COPS5: variants seen among roughly 807,000 people sequenced by gnomAD.
COPS5 encodes COP9 signalosome complex subunit 5.
COPS5 carries 8 observed loss-of-function variants against 44.4 expected under a neutral mutation model. The ratio of observed to expected loss-of-function variants is 0.18; its 90% confidence interval spans 0.11 to 0.32. The LOEUF is 0.32. COPS5 is among the 10% of genes least tolerant of loss of function. The pLI is 1.00. For synonymous variants in COPS5, 122 were observed against 142.8 expected (o/e 0.85, Z 1.04); for missense variants, 159 against 406.4 (o/e 0.39, Z 5.23).
chr8:67,062,072 C>T lies in COPS5; in HGVS notation c.-76G>A. ...CCTCGCTAGGTTTCCGGGTGTGGGC[C>T]TTGACCCTCCGCACCACGGGAACAA... On this transcript the variant is annotated 5_prime_UTR_variant, in exon 1 of 8. Transcript: ENST00000357849. The T allele has an allele frequency of 1.9e-6, 3 of 1,605,412 alleles. No homozygotes were observed. The highest frequency in any genetic ancestry group is 2.5e-6 in the Non-Finnish European group (3 of 1,177,122).
At chr8:67,052,820 T>TC (rs895993741) in intron 5 of COPS5, among the ~76,000 whole-genome samples, 40 of 114,092 alleles carry the variant, frequency 3.5e-4, no homozygotes, top group Admixed American at 7.3e-4. Context: ...GACTCTGTCT[T>TC]AAAAAAAAAA....
intron 5 of COPS5, 31 bp from the exon 6 acceptor site, chr8:67,051,372 T>TA (rs763120396): frequency 0.017 from 17,561 of 1,057,448 alleles, no homozygotes; most frequent in South Asian, 0.022. Context: ...ATTTAGTAAG[T>TA]AAAAAAAAAA....
rs746649603 is a variant in COPS5, at chr8:67,061,952, C to T, written c.45G>A (p.Leu15=). The T allele has an allele frequency of 1.9e-6, 3 of 1,614,128 alleles. No homozygotes were observed. Among genetic ancestry groups the T allele is most frequent in the Non-Finnish European group, 2.5e-6 (3 of 1,180,056 alleles). ...TCTGAGCTTCCTGCATGTTGTTGGC[C>T]AGTTCCCAGGTTTTCTGGGCCATAC... ...GSGMAQKTWE[L]ANNMQEAQSI... is the part of the protein sequence containing the mutation. Residue 15 remains leucine (L), a synonymous_variant, in exon 1 of 8, where the codon CTG becomes CTA. Coordinates refer to ENST00000357849, the MANE Select transcript of COPS5 (RefSeq NM_006837.3).
In COPS5 at chr8:67,062,092, G is replaced by A; in HGVS notation, c.-96C>T. On this transcript the variant is annotated 5_prime_UTR_variant, in exon 1 of 8. Transcript: ENST00000357849. ...TGGGCCTTGACCCTCCGCACCACGGGAACAAACTCTTACCTAGACTCTTGG... is the reference window on the plus strand; with the variant it reads ...TGGGCCTTGACCCTCCGCACCACGGAAACAAACTCTTACCTAGACTCTTGG... 1 of 1,586,522 alleles carries A rather than the reference G, an allele frequency of 6.3e-7. No individual in the cohort carries two copies. Among genetic ancestry groups the A allele is most frequent in the Non-Finnish European group, 8.6e-7 (1 of 1,169,100 alleles).
intron 4 of COPS5, 49 bp from the exon 5 acceptor site, chr8:67,056,653 AT>A (rs368730744): frequency 0.31 from 6,321 of 20,652 alleles, 1,405 homozygotes; most frequent in African/African-American, 0.39. Flanking sequence ...AAAAAAAAAA[AT>A]ATATATATAT....
chr8:67,059,715 T>G, intron 1 of COPS5: 1 of 358,844 alleles, frequency 2.8e-6, no homozygotes, highest in Non-Finnish European at 5.2e-6. Context: ...ACATGACCAG[T>G]TCAACAGACT....
rs978789218 is a variant in COPS5 at position 67,044,603 on chromosome 8, C to CT, written c.920+1208dup. The CT allele has an allele frequency of 5.5e-3, 801 of 144,806 alleles. 5 individuals are homozygous for CT. Among genetic ancestry groups the CT allele is most frequent in the East Asian group, 0.016 (79 of 5,024 alleles). 9.0% of individuals were successfully genotyped at this position (144,806 alleles called of 1,614,324 possible). On this transcript the variant is annotated intron_variant, in intron 7 of 7. Coordinates refer to ENST00000357849, the MANE Select transcript of COPS5 (RefSeq NM_006837.3). ...ATTACAATTCAAATTTCTTTTCTTTCTTTTTTTTTTTTGGAGACAGAGTTT... is the reference window on the plus strand; with the variant it reads ...ATTACAATTCAAATTTCTTTTCTTTCTTTTTTTTTTTTTGGAGACAGAGTTT...
intron 5 of COPS5, among the ~76,000 whole-genome samples, chr8:67,053,464 G>A (rs1479465373): frequency 6.6e-6 from 1 of 151,446 alleles, no homozygotes; most frequent in Non-Finnish European, 1.5e-5. Flanking sequence ...ACTTTGGGAG[G>A]CTGAGGCAGG....
At chr8:67,050,650 CCTT>C (rs1336171865) in intron 6 of COPS5, among the ~76,000 whole-genome samples, 29 of 142,636 alleles carry the variant, frequency 2.0e-4, no homozygotes, top group African/African-American at 7.7e-4. Context: ...TGTATCTTGA[CCTT>C]CTTTTTGAAC....
At chr8:67,050,565 G>T (rs1326248969) in intron 6 of COPS5, among the ~76,000 whole-genome samples, 1 of 150,840 alleles carries the variant, frequency 6.6e-6, no homozygotes, top group Non-Finnish European at 1.5e-5. Context: ...GTGAGTGTGT[G>T]TGTGTGTGTG....
rs188333429 is a variant in COPS5 at position 67,052,935 on chromosome 8, T to A, written c.660-1594A>T. ...TAGAGTAATAATACAGTCAAAGGGG[T>A]GTTTTATAGTACCATTAGGAGATAT... is the stretch of plus-strand genomic sequence containing the variant. On this transcript the variant is annotated intron_variant, in intron 5 of 7. Transcript: ENST00000357849. Among the ~76,000 whole-genome samples, 10 of 150,166 alleles carry A rather than the reference T, an allele frequency of 6.7e-5. No homozygotes were observed. The East Asian group carries it at 1.6e-3, about 24-fold the overall frequency.
At chr8:67,059,126 G>T in intron 2 of COPS5, 85 bp downstream of exon 2, 1 of 791,412 alleles carries the variant, frequency 1.3e-6, no homozygotes, top group Non-Finnish European at 2.1e-6. Context: ...TTCATGTAAA[G>T]GGGATAATTT....
At chr8:67,053,832 C>A (rs986163400) in intron 5 of COPS5, among the ~76,000 whole-genome samples, 5 of 151,590 alleles carry the variant, frequency 3.3e-5, no homozygotes, top group South Asian at 2.1e-4. Context: ...CGGTGAAACC[C>A]CATCTCTACT....
At chr8:67,060,390 A>G in intron 1 of COPS5, 1 of 1,257,306 alleles carries the variant, frequency 8.0e-7, no homozygotes, top group Non-Finnish European at 1.0e-6. Context: ...CAGAGCAGTC[A>G]GTCAACGTCT....
intron 6 of COPS5, chr8:67,047,706 CT>C: frequency 1.5e-6 from 1 of 659,536 alleles, no homozygotes; most frequent in Non-Finnish European, 2.8e-6. Flanking sequence ...TATTAATGTC[CT>C]CATGTATGCA....
chr8:67,049,962 G>A (rs956913847), intron 6 of COPS5, among the ~76,000 whole-genome samples: 1 of 148,932 alleles, frequency 6.7e-6, no homozygotes, highest in Non-Finnish European at 1.5e-5. Context: ...AATATGTTAA[G>A]TTTTTATGAT....
intron 6 of COPS5, chr8:67,047,728 A>T: frequency 2.9e-6 from 2 of 695,032 alleles, no homozygotes; most frequent in Non-Finnish European, 5.3e-6. Flanking sequence ...GTGCTGGAAT[A>T]CAGGGACAGA....
Position 67,062,113 on chromosome 8 carries a change from C to T in COPS5, c.-117G>A, listed in dbSNP as rs1427449055. ...ACGGGAACAAACTCTTACCTAGACT[C>T]TTGGGGCAGCCATGACACCTAGAAC... On this transcript the variant is annotated 5_prime_UTR_variant, in exon 1 of 8. Coordinates refer to ENST00000357849, the MANE Select transcript of COPS5 (RefSeq NM_006837.3). 2.6e-6 allele frequency: 4 copies of T among 1,557,048 alleles called. No individual in the cohort carries two copies. The Admixed American group carries it at 5.7e-5, about 22-fold the overall frequency.
In COPS5 at chr8:67,062,033, A is replaced by C; in HGVS notation, c.-37T>G. The C allele has an allele frequency of 6.2e-7, 1 of 1,613,926 alleles. No individual in the cohort carries two copies. Among genetic ancestry groups the C allele is most frequent in the South Asian group, 1.1e-5 (1 of 91,088 alleles). On this transcript the variant is annotated 5_prime_UTR_variant, in exon 1 of 8. Transcript: ENST00000357849. ...CGGAGAAGTTGTCGTCTCTACAACC[A>C]AGACGCAACTTTACCTCGCTAGGTT...
Sources: allele counts gnomAD v4.1 joint callset (sites outside exome capture counted in the v4.1 genomes callset), GRCh38; gene constraint gnomAD v4.1.1; transcripts MANE v1.5; gene names NCBI Gene and HGNC (gene_info 2026-07-23, HGNC 2026-07-21).